The following SUCLA2 variants were observed in gnomAD, a reference collection of about 807,000 sequenced individuals.
The protein encoded by SUCLA2 is succinate-CoA ligase ADP-forming subunit beta.
A neutral mutation model predicts 54.8 loss-of-function variants in SUCLA2; 30 were observed. The ratio of observed to expected loss-of-function variants is 0.55; its 90% CI spans 0.41 to 0.74. SUCLA2 has a LOEUF of 0.74. Ranked by LOEUF, SUCLA2 falls within the 30% of genes least tolerant of loss-of-function variation. The pLI is 0.00. For missense variants in SUCLA2, 476 were observed against 562.9 expected (o/e 0.85, Z 1.56); for synonymous variants, 172 against 188.9 (o/e 0.91, Z 0.74).
intron 10 of SUCLA2, among the ~76,000 whole-genome samples, chr13:47,944,731 A>G (rs1207060372): frequency 6.6e-6 from 1 of 152,152 alleles, no homozygotes; most frequent in Non-Finnish European, 1.5e-5. Flanking sequence ...TTCTGTCTCC[A>G]AGCTAGAGTT....
chr13:47,945,060 A>T (rs1054678892), intron 10 of SUCLA2, among the ~76,000 whole-genome samples: 1 of 151,712 alleles, frequency 6.6e-6, no homozygotes. Context: ...GACCAGCCTG[A>T]CCAACATGGT....
chr13:47,969,485 A>G (rs1358376669), intron 5 of SUCLA2, among the ~76,000 whole-genome samples: 2 of 152,246 alleles, frequency 1.3e-5, no homozygotes, highest in Non-Finnish European at 2.9e-5. Flanking sequence ...AGATACCCAC[A>G]GAGCTTTTAA....
intron 4 of SUCLA2, among the ~76,000 whole-genome samples, chr13:47,986,260 A>G (rs1037819513): frequency 1.3e-5 from 2 of 151,832 alleles, no homozygotes; most frequent in African/African-American, 4.8e-5. Flanking sequence ...CAAACTCCTC[A>G]CCTCAGGTAA....
At chr13:47,994,530 T>G (rs1950175640) in intron 2 of SUCLA2, among the ~76,000 whole-genome samples, 1 of 135,992 alleles carries the variant, frequency 7.4e-6, no homozygotes, top group South Asian at 2.3e-4. Flanking sequence ...ATCGCGCCAC[T>G]GCACTCCAGC....
At chr13:47,960,892 A>G (rs1949865444) in intron 6 of SUCLA2, among the ~76,000 whole-genome samples, 1 of 152,200 alleles carries the variant, frequency 6.6e-6, no homozygotes, top group Non-Finnish European at 1.5e-5. Flanking sequence ...CTCTAGGCCC[A>G]GGGATCACTG....
intron 5 of SUCLA2, among the ~76,000 whole-genome samples, chr13:47,969,154 T>C (rs1008162553): frequency 6.6e-6 from 1 of 152,182 alleles, no homozygotes; most frequent in Non-Finnish European, 1.5e-5. Flanking sequence ...GCCAGATCAC[T>C]TGAGGCCAGG....
At position 47,954,385 on chromosome 13, in the gene SUCLA2, A is replaced by T. The variant is rs928358284; in HGVS notation, c.964+11T>A. ...TAGTGAATCCAATTCTAACATAAAA[A>T]CACATGGTACCTAGGCAGCCTATAT... On this transcript the variant is annotated intron_variant, in intron 7 of 10. Coordinates refer to ENST00000646932, the MANE Select transcript of SUCLA2 (RefSeq NM_003850.3). 6.2e-7 allele frequency: 1 copy of T among 1,613,992 alleles called. No individual in the cohort carries two copies. The highest frequency in any genetic ancestry group is 1.7e-4 in the Middle Eastern group (1 of 6,060).
intron 6 of SUCLA2, among the ~76,000 whole-genome samples, chr13:47,958,834 G>A (rs1949843015): frequency 6.6e-6 from 1 of 152,138 alleles, no homozygotes; most frequent in South Asian, 2.1e-4. Flanking sequence ...TTAAATGATG[G>A]CATCTAATAT....
chr13:47,975,557 G>A (rs1202893610), intron 4 of SUCLA2, among the ~76,000 whole-genome samples: 4 of 150,158 alleles, frequency 2.7e-5, no homozygotes, highest in Admixed American at 1.4e-4. Context: ...GAACGAAACA[G>A]TCCTTCAAAT....
intron 6 of SUCLA2, among the ~76,000 whole-genome samples, chr13:47,956,165 A>C (rs1256592657): frequency 6.6e-6 from 1 of 152,226 alleles, no homozygotes. Flanking sequence ...AAACATGTTT[A>C]AGGATTTAAG....
rs541836883 is a variant in SUCLA2 at position 47,964,244 on chromosome 13, C to T, written c.802+4351G>A. On this transcript the variant is annotated intron_variant, in intron 6 of 10. Transcript: ENST00000646932. ...TATATGATTGCATTTATATAACATT[C>T]TCAAAATAAAAAAAAAACTATAGAG... Among the ~76,000 whole-genome samples, 191 of 151,784 alleles carry T rather than the reference C, an allele frequency of 1.3e-3. 1 individual carries two copies. Among genetic ancestry groups the T allele is most frequent in the African/African-American group, 4.6e-3 (189 of 41,420 alleles).
intron 2 of SUCLA2, among the ~76,000 whole-genome samples, chr13:47,992,158 C>T (rs933699616): frequency 3.9e-5 from 6 of 152,148 alleles, no homozygotes; most frequent in Non-Finnish European, 8.8e-5. Flanking sequence ...TTACACTGTG[C>T]TTTACTGAGC....
At chr13:47,955,545 C>T (rs989217076) in intron 6 of SUCLA2, among the ~76,000 whole-genome samples, 7 of 152,038 alleles carry the variant, frequency 4.6e-5, no homozygotes, top group African/African-American at 1.2e-4. Context: ...ATGGATTTTA[C>T]ACTTTTAAAG....
intron 6 of SUCLA2, 53 bp from the exon 7 acceptor site, chr13:47,954,610 A>T (rs1378178114): frequency 1.3e-6 from 2 of 1,560,872 alleles, no homozygotes; most frequent in African/African-American, 2.7e-5. Context: ...GATACAATAA[A>T]GTATCAAATA....
intron 6 of SUCLA2, among the ~76,000 whole-genome samples, chr13:47,960,866 T>TA (rs781271225): frequency 3.3e-5 from 5 of 152,188 alleles, no homozygotes; most frequent in Non-Finnish European, 7.3e-5. Context: ...GGCCAGAAGT[T>TA]AAAACGATTC....
chr13:47,954,052 A>G, intron 8 of SUCLA2, 88 bp downstream of exon 8: 1 of 1,181,298 alleles, frequency 8.5e-7, no homozygotes, highest in Non-Finnish European at 1.1e-6. Context: ...TATGAATTCT[A>G]AATTCTAAAA....
intron 1 of SUCLA2, among the ~76,000 whole-genome samples, chr13:47,998,566 AAAAAG>A (rs1367924314): frequency 6.6e-6 from 1 of 152,222 alleles, no homozygotes; most frequent in Non-Finnish European, 1.5e-5. Context: ...ACAGAGAAAT[AAAAAG>A]AAAAAAAGTA....
intron 1 of SUCLA2, among the ~76,000 whole-genome samples, chr13:47,999,425 A>G (rs1950212121): frequency 6.6e-6 from 1 of 152,186 alleles, no homozygotes; most frequent in Non-Finnish European, 1.5e-5. Context: ...TGTTTAAAAC[A>G]GGCCGGGTGC....
rs549490637 is a variant in SUCLA2 at position 48,000,968 on chromosome 13, C to G, written c.90+212G>C. 4.5e-3 allele frequency: 6,420 copies of G among 1,416,216 alleles called. 27 individuals are homozygous for G. The highest frequency in any genetic ancestry group is 5.4e-3 in the Non-Finnish European group (5,827 of 1,086,108). 87.7% of individuals were successfully genotyped at this position (1,416,216 alleles called of 1,614,324 possible). On this transcript the variant is annotated intron_variant, in intron 1 of 10. Transcript: ENST00000646932. Reference sequence around the variant, plus strand: ...CCACGGCCGGGCCGCCGGGGATCCTCGCGGACTAAGGGCTGGGTCAGAGCC... The same window carrying G: ...CCACGGCCGGGCCGCCGGGGATCCTGGCGGACTAAGGGCTGGGTCAGAGCC...
Sources: gnomAD v4.1 joint callset for allele counts (sites outside exome capture counted in the v4.1 genomes callset) on GRCh38, gnomAD v4.1.1 for gene constraint, MANE v1.5 for transcripts, NCBI Gene and HGNC (gene_info 2026-07-23, HGNC 2026-07-21) for gene names.